TBL1Y: variants seen among roughly 807,000 people sequenced by gnomAD.
TBL1Y encodes transducin beta like 1 Y-linked.
A neutral mutation model predicts 12.0 loss-of-function variants in TBL1Y; 15 were observed. That is an observed-to-expected ratio of 1.25 (90% CI 0.83 to 1.92). The LOEUF (loss-of-function observed/expected upper bound fraction) is 1.92. Ranked by LOEUF, TBL1Y falls within the 40% of genes most tolerant of loss-of-function variation. The pLI is 0.00. For missense variants in TBL1Y, 148 were observed against 116.7 expected (o/e 1.27, Z -1.24); for synonymous variants, 53 against 42.6 (o/e 1.24, Z -0.95).
chrY:7,063,525 C>G (rs113664526), intron 7 of TBL1Y, among the ~76,000 whole-genome samples: 5 of 32,256 alleles, frequency 1.6e-4, no homozygotes, highest in African/African-American at 6.1e-4. Flanking sequence ...AGTAGGTAAT[C>G]GGAATGAGTC....
intron 3 of TBL1Y, among the ~76,000 whole-genome samples, chrY:6,987,664 C>T (rs2012329683): frequency 6.1e-5 from 2 of 32,978 alleles, no homozygotes; most frequent in Non-Finnish European, 1.5e-4. Flanking sequence ...ATATGGTCTT[C>T]AGACTGCCTT....
chrY:6,962,928 A>G, intron 2 of TBL1Y, among the ~76,000 whole-genome samples: 1 of 33,389 alleles, frequency 3.0e-5, no homozygotes, highest in African/African-American at 1.2e-4. Context: ...TCTAAGTACA[A>G]TGTAAAAGTC....
intron 4 of TBL1Y, among the ~76,000 whole-genome samples, chrY:7,000,984 A>G (rs935954868): frequency 6.6e-4 from 22 of 33,462 alleles, no homozygotes; most frequent in African/African-American, 2.6e-3. Flanking sequence ...GTTGCCCACA[A>G]AGCCCATCAG....
At chrY:7,055,484 C>T (rs112548520) in intron 7 of TBL1Y, among the ~76,000 whole-genome samples, 2,301 of 32,721 alleles carry the variant, frequency 0.07, no homozygotes, top group Non-Finnish European at 0.11. Flanking sequence ...GGGGAGGTGA[C>T]TCAAATTTAT....
At chrY:6,930,986 AG>A (rs2011862163) in intron 2 of TBL1Y, among the ~76,000 whole-genome samples, 1 of 33,285 alleles carries the variant, frequency 3.0e-5, no homozygotes, top group Non-Finnish European at 7.4e-5. Context: ...CGAACCCACC[AG>A]AAGGAAGAAA....
intron 2 of TBL1Y, among the ~76,000 whole-genome samples, chrY:6,943,504 C>T (rs1003434485): frequency 1.8e-4 from 6 of 33,337 alleles, no homozygotes; most frequent in African/African-American, 7.1e-4. Context: ...GCAGTGTACC[C>T]TGCAAAACCT....
intron 4 of TBL1Y, among the ~76,000 whole-genome samples, chrY:7,001,505 G>A: frequency 6.2e-5 from 2 of 32,469 alleles, no homozygotes; most frequent in East Asian, 1.7e-3. Context: ...TGTAGTCCCA[G>A]CTACTCAGGA....
At chrY:7,067,888 A>T in intron 8 of TBL1Y, among the ~76,000 whole-genome samples, 1 of 33,367 alleles carries the variant, frequency 3.0e-5, no homozygotes, top group Non-Finnish European at 7.4e-5. Flanking sequence ...TTGGTGTCCT[A>T]TAAAGACAGG....
intron 3 of TBL1Y, among the ~76,000 whole-genome samples, chrY:6,985,601 C>G (rs2012311634): frequency 3.0e-5 from 1 of 32,892 alleles, no homozygotes; most frequent in Non-Finnish European, 7.5e-5. Context: ...ACAGACTTGC[C>G]TCCGTATCTG....
intron 3 of TBL1Y, among the ~76,000 whole-genome samples, chrY:6,984,154 G>A: frequency 3.0e-5 from 1 of 33,024 alleles, no homozygotes; most frequent in Non-Finnish European, 7.5e-5. Flanking sequence ...TAGCATGTCT[G>A]ACAGGGAAGA....
intron 6 of TBL1Y, among the ~76,000 whole-genome samples, chrY:7,035,503 G>A: frequency 1.2e-4 from 4 of 34,103 alleles, no homozygotes; most frequent in Non-Finnish European, 1.5e-4. Context: ...ACATGCACAC[G>A]CATGTTTATT....
intron 2 of TBL1Y, among the ~76,000 whole-genome samples, chrY:6,959,941 C>T: frequency 3.0e-5 from 1 of 33,789 alleles, no homozygotes; most frequent in Non-Finnish European, 7.3e-5. Flanking sequence ...TCCACAATTT[C>T]GAGGAATTCT....
At chrY:7,026,525 C>T (rs539113498) in intron 6 of TBL1Y, among the ~76,000 whole-genome samples, 1 of 33,558 alleles carries the variant, frequency 3.0e-5, no homozygotes, top group Admixed American at 2.7e-4. Context: ...TGCACAAGGA[C>T]GTGATGAAGG....
chrY:7,002,900 G>C, intron 4 of TBL1Y, among the ~76,000 whole-genome samples: 1 of 33,419 alleles, frequency 3.0e-5, no homozygotes, highest in Admixed American at 2.7e-4. Flanking sequence ...GAGGAGAGTA[G>C]ATATGGTTAA....
intron 3 of TBL1Y, among the ~76,000 whole-genome samples, chrY:6,993,189 T>TTTCCTTTCTTTCTTTCTTTCTTTC: frequency 4.2e-4 from 5 of 11,820 alleles, no homozygotes; most frequent in Non-Finnish European, 8.6e-4. Flanking sequence ...TCCAAGTTCC[T>TTTCCTTTCTTTCTTTCTTTCTTTC]TTTCTTTCTT....
chrY:7,041,015 C>G, intron 6 of TBL1Y, among the ~76,000 whole-genome samples: 1 of 34,087 alleles, frequency 2.9e-5, no homozygotes, highest in Non-Finnish European at 7.3e-5. Context: ...GATTTGTCAG[C>G]CATGAGGTTT....
At chrY:6,932,900 CT>C (rs2011875207) in intron 2 of TBL1Y, among the ~76,000 whole-genome samples, 1 of 29,753 alleles carries the variant, frequency 3.4e-5, no homozygotes, top group East Asian at 8.9e-4. Context: ...CTTTTCTGGA[CT>C]TTTTTTTTTT....
At chrY:7,079,296 A>C (rs762492765) in intron 13 of TBL1Y, among the ~76,000 whole-genome samples, 1 of 33,803 alleles carries the variant, frequency 3.0e-5, no homozygotes, top group Admixed American at 2.7e-4. Context: ...CATGTCAGTA[A>C]TGGGGCAGAA....
chrY:7,062,378 C>G (rs967083411), intron 7 of TBL1Y, among the ~76,000 whole-genome samples: 1 of 33,948 alleles, frequency 2.9e-5, no homozygotes, highest in South Asian at 6.8e-4. Context: ...TCGTTTGACC[C>G]AAACTTTTGC....
Sources: gnomAD v4.1 joint callset for allele counts (sites outside exome capture counted in the v4.1 genomes callset) on GRCh38, gnomAD v4.1.1 for gene constraint, MANE v1.5 for transcripts, NCBI Gene and HGNC (gene_info 2026-07-23, HGNC 2026-07-21) for gene names.